Variants in ARFGEF3 observed in about 807,000 individuals in gnomAD.
ARFGEF3 encodes the protein brefeldin A-inhibited guanine nucleotide-exchange protein 3.
ARFGEF3 carries 96 observed loss-of-function variants against 221.7 expected under a neutral mutation model. The observed-to-expected ratio is 0.43, with a 90% confidence interval of 0.37 to 0.51. The LOEUF is 0.51. Among genes scored for constraint, ARFGEF3 ranks in the 20% least tolerant of loss-of-function variants. The pLI, the probability that ARFGEF3 is intolerant of heterozygous loss-of-function variation, is 0.00. For missense variants in ARFGEF3, 2,410 were observed against 2,789.9 expected (o/e 0.86, Z 3.07); for synonymous variants, 1,145 against 1,126.8 (o/e 1.02, Z -0.32).
At chr6:138,254,246 G>A (rs1339442243) in intron 9 of ARFGEF3, among the ~76,000 whole-genome samples, 5 of 151,770 alleles carry the variant, frequency 3.3e-5, no homozygotes, top group Admixed American at 2.6e-4. Flanking sequence ...ATGAAACCTC[G>A]TCTCTCCTAA....
intron 5 of ARFGEF3, among the ~76,000 whole-genome samples, chr6:138,237,465 T>C (rs113359601): frequency 1.1e-4 from 16 of 152,318 alleles, no homozygotes; most frequent in African/African-American, 3.6e-4. Flanking sequence ...TTAGAGGCAG[T>C]AAAATCTGAA....
At position 138,278,611 on chromosome 6, in the gene ARFGEF3, C is replaced by T. The variant is rs747277139; in HGVS notation, c.2289C>T (p.Gly763=). 28 of 1,613,538 alleles carry T rather than the reference C, an allele frequency of 1.7e-5. No individual in the cohort carries two copies. The highest frequency in any genetic ancestry group is 3.3e-5 in the Admixed American group (2 of 59,994). The change falls in exon 13 of 34, where the codon GGC becomes GGT. Residue 763 remains glycine (G), a synonymous_variant. Transcript: ENST00000251691. ...YYRKRPTLAP[G]VMKDFMKQVQ... is the part of the protein sequence containing the mutation. ...GGAAGCGGCCGACCCTGGCGCCAGG[C>T]GTGATGGTGAGTGTGCCGTCCCTCA...
At chr6:138,164,568 G>A (rs767402461) in intron 1 of ARFGEF3, among the ~76,000 whole-genome samples, 1 of 152,190 alleles carries the variant, frequency 6.6e-6, no homozygotes, top group Non-Finnish European at 1.5e-5. Context: ...TGTGTGCACA[G>A]GTAGGCTCTT....
intron 2 of ARFGEF3, among the ~76,000 whole-genome samples, chr6:138,176,259 G>A (rs1776944736): frequency 6.7e-6 from 1 of 148,646 alleles, no homozygotes. Flanking sequence ...TCAGCTCACT[G>A]CAACCTCCAC....
intron 12 of ARFGEF3, among the ~76,000 whole-genome samples, chr6:138,276,233 G>A (rs1779092886): frequency 6.6e-6 from 1 of 152,164 alleles, no homozygotes; most frequent in Admixed American, 6.5e-5. Flanking sequence ...TGACCACCAG[G>A]CTCCAGATAG....
At chr6:138,252,898 G>T (rs896715412) in intron 8 of ARFGEF3, among the ~76,000 whole-genome samples, 1 of 152,086 alleles carries the variant, frequency 6.6e-6, no homozygotes, top group African/African-American at 2.4e-5. Flanking sequence ...TTTCTGGTAG[G>T]CTGGGCAGAG....
chr6:138,220,316 A>C (rs937879517), intron 4 of ARFGEF3, among the ~76,000 whole-genome samples: 1 of 152,180 alleles, frequency 6.6e-6, no homozygotes, highest in African/African-American at 2.4e-5. Context: ...TTCTTGCTTT[A>C]TACTTTAAAT....
chr6:138,181,771 A>T (rs1777083779), intron 2 of ARFGEF3, among the ~76,000 whole-genome samples: 1 of 152,204 alleles, frequency 6.6e-6, no homozygotes, highest in Admixed American at 6.5e-5. Context: ...GAATGAAGGT[A>T]GGATTTTTGC....
intron 31 of ARFGEF3, among the ~76,000 whole-genome samples, chr6:138,324,458 C>T (rs780901565): frequency 8.5e-5 from 13 of 152,168 alleles, no homozygotes; most frequent in Non-Finnish European, 1.9e-4. Context: ...TAAGTATTTG[C>T]TTAACTGTTA....
chr6:138,294,179 C>T, intron 20 of ARFGEF3, 53 bp downstream of exon 20: 2 of 1,583,868 alleles, frequency 1.3e-6, no homozygotes, highest in African/African-American at 1.3e-5. Context: ...GGAAACAGCC[C>T]AGGCCTCTAT....
rs1562368562 is a variant in ARFGEF3 at position 138,253,936 on chromosome 6, G to T, written c.722G>T (p.Ser241Ile). ...YLECILSVLS[S>I]SSSSMHLHRR... is the part of the protein sequence containing the mutation. The stretch of plus-strand genomic sequence containing the variant: ...GAGTGCATCCTGTCTGTGCTCAGCA[G>T]CTCCTCCTCCTCCATGCACCTGCAC... The change falls in exon 9 of 34, where the codon AGC becomes ATC. Residue 241 changes from serine (S) to isoleucine (I), a missense_variant. Around this residue, in one of 5 missense-constraint regions of ARFGEF3, gnomAD observed 570 missense variants for 586.9 expected, o/e 0.97. Transcript: ENST00000251691. The T allele has an allele frequency of 1.3e-6, 2 of 1,598,016 alleles. No individual in the cohort carries two copies. The highest frequency in any genetic ancestry group is 1.7e-5 in the Admixed American group (1 of 58,000).
intron 28 of ARFGEF3, among the ~76,000 whole-genome samples, chr6:138,320,216 T>C (rs1293441687): frequency 6.6e-6 from 1 of 152,116 alleles, no homozygotes; most frequent in African/African-American, 2.4e-5. Flanking sequence ...GAAGCAGCAA[T>C]ATCCCCGTAG....
At chr6:138,242,926 T>G in intron 6 of ARFGEF3, 26 bp from the exon 7 acceptor site, 2 of 1,591,920 alleles carry the variant, frequency 1.3e-6, no homozygotes, top group Non-Finnish European at 1.7e-6. Flanking sequence ...AATCTCCTAA[T>G]TGTGTGTGTG....
intron 22 of ARFGEF3, among the ~76,000 whole-genome samples, chr6:138,304,628 G>T (rs1352105026): frequency 6.6e-6 from 1 of 152,108 alleles, no homozygotes; most frequent in African/African-American, 2.4e-5. Flanking sequence ...ACAGGAAAAA[G>T]GAAACTTATT....
rs1326472233 is a variant in ARFGEF3, at chr6:138,303,888, AG to A, written c.3829-3364del. Among the ~76,000 whole-genome samples the A allele has an allele frequency of 2.5e-3, 361 of 147,264 alleles. 6 individuals carry two copies. Among genetic ancestry groups the A allele is most frequent in the African/African-American group, 7.8e-3 (306 of 39,322 alleles). ...AAAAAAAAAAAAAAAAAAAAAAAAAAGATAATAGCAAGTGTTGGTGAGGGAG... is the reference window on the plus strand; with the variant it reads ...AAAAAAAAAAAAAAAAAAAAAAAAAAATAATAGCAAGTGTTGGTGAGGGAG... On this transcript the variant is annotated intron_variant, in intron 22 of 33. Coordinates refer to ENST00000251691, the MANE Select transcript of ARFGEF3 (RefSeq NM_020340.5).
At chr6:138,296,601 G>T (rs974614528) in intron 20 of ARFGEF3, among the ~76,000 whole-genome samples, 21 of 152,108 alleles carry the variant, frequency 1.4e-4, no homozygotes, top group African/African-American at 4.8e-4. Flanking sequence ...AGGTACCGGG[G>T]CTACAGTGGT....
chr6:138,237,383 CT>C (rs1778306555), intron 5 of ARFGEF3, among the ~76,000 whole-genome samples: 1 of 152,028 alleles, frequency 6.6e-6, no homozygotes, highest in African/African-American at 2.4e-5. Context: ...AATTGAATGC[CT>C]TATGGAGAGA....
intron 8 of ARFGEF3, among the ~76,000 whole-genome samples, chr6:138,246,912 G>C (rs1447581580): frequency 6.6e-6 from 1 of 152,052 alleles, no homozygotes; most frequent in African/African-American, 2.4e-5. Context: ...TGATGGATAT[G>C]TTAATTTGTT....
At chr6:138,316,816 G>A (rs1447437446) in intron 26 of ARFGEF3, among the ~76,000 whole-genome samples, 5 of 152,188 alleles carry the variant, frequency 3.3e-5, no homozygotes, top group African/African-American at 1.2e-4. Context: ...CAACATTGTT[G>A]TCATGAATAC....
Sources: allele counts gnomAD v4.1 joint callset (sites outside exome capture counted in the v4.1 genomes callset), GRCh38; gene constraint gnomAD v4.1.1; regional missense constraint gnomAD v4.1.1; transcripts MANE v1.5; gene names NCBI Gene and HGNC (gene_info 2026-07-23, HGNC 2026-07-21).